CACNA2D3: variants seen among roughly 807,000 people sequenced by gnomAD.
CACNA2D3 encodes calcium voltage-gated channel auxiliary subunit alpha2delta 3, also known as voltage-dependent calcium channel subunit alpha-2/delta-3.
CACNA2D3 carries 60 observed loss-of-function variants against 160.6 expected under a neutral mutation model. That is an observed-to-expected ratio of 0.37 (90% CI 0.30 to 0.46). CACNA2D3 has a LOEUF of 0.46. CACNA2D3 is among the 20% of genes least tolerant of loss of function. The pLI is 1.00. For missense variants in CACNA2D3, 1,205 were observed against 1,365.0 expected (o/e 0.88, Z 1.85); for synonymous variants, 558 against 492.9 (o/e 1.13, Z -1.75).
At chr3:55,002,040 C>T (rs1000190555) in intron 31 of CACNA2D3, among the ~76,000 whole-genome samples, 5 of 151,816 alleles carry the variant, frequency 3.3e-5, no homozygotes, top group South Asian at 2.1e-4. Context: ...CCTGTAGTCC[C>T]AACTACTCGG....
chr3:54,795,185 C>A (rs967306635), intron 13 of CACNA2D3, among the ~76,000 whole-genome samples: 1 of 152,096 alleles, frequency 6.6e-6, no homozygotes, highest in Non-Finnish European at 1.5e-5. Context: ...CCCATACAGT[C>A]ACTTTTAAAA....
intron 14 of CACNA2D3, among the ~76,000 whole-genome samples, chr3:54,821,227 C>A (rs936981193): frequency 2.0e-5 from 3 of 152,200 alleles, no homozygotes; most frequent in African/African-American, 7.2e-5. Flanking sequence ...TTTCACAAAA[C>A]CATAGTTAAA....
At chr3:54,812,922 A>G (rs1418327238) in intron 13 of CACNA2D3, among the ~76,000 whole-genome samples, 2 of 152,234 alleles carry the variant, frequency 1.3e-5, no homozygotes, top group Non-Finnish European at 2.9e-5. Flanking sequence ...AAAACTGATC[A>G]AGCATTTAGC....
At chr3:54,835,270 C>T (rs912393432) in intron 14 of CACNA2D3, among the ~76,000 whole-genome samples, 20 of 152,196 alleles carry the variant, frequency 1.3e-4, no homozygotes, top group African/African-American at 4.1e-4. Context: ...TTCTCTTTAG[C>T]TGTCATGATT....
In CACNA2D3 at chr3:54,736,035, GTATATATATACACATACA is replaced by G. The variant is rs1559563533; in HGVS notation, c.1168-16560_1168-16543del. ...TATATATACACATACATATATATAT[GTATATATATACACATACA>G]TATGTATGTATATATATATACATAT... On this transcript the variant is annotated intron_variant, in intron 11 of 37. Transcript: ENST00000474759. Among the ~76,000 whole-genome samples the G allele has an allele frequency of 2.9e-3, 148 of 50,206 alleles. 15 individuals carry two copies. The highest frequency in any genetic ancestry group is 0.01 in the Admixed American group (40 of 3,830). The allele number at this position is 50,206 out of a possible 152,430, so 32.9% of individuals were successfully genotyped here. A position where few individuals can be genotyped will look rare whatever the true frequency, so the allele number is the denominator to read the frequency against.
intron 2 of CACNA2D3, among the ~76,000 whole-genome samples, chr3:54,247,049 C>T (rs753238935): frequency 6.6e-5 from 10 of 152,168 alleles, no homozygotes; most frequent in Admixed American, 2.6e-4. Context: ...TGGTGGTTCA[C>T]GCCTGTAGTC....
intron 28 of CACNA2D3, 56 bp downstream of exon 28, chr3:54,968,567 C>T: frequency 1.5e-6 from 2 of 1,318,084 alleles, no homozygotes; most frequent in South Asian, 1.3e-5. Context: ...TACAGGTGTT[C>T]CCATTTGGGT....
At chr3:55,014,876 A>C (rs1298785921) in intron 34 of CACNA2D3, among the ~76,000 whole-genome samples, 1 of 152,216 alleles carries the variant, frequency 6.6e-6, no homozygotes, top group African/African-American at 2.4e-5. Flanking sequence ...AGTTCTAGCC[A>C]TGTTATTTAA....
chr3:54,159,271 CA>C (rs1174878473), intron 2 of CACNA2D3, among the ~76,000 whole-genome samples: 1 of 151,944 alleles, frequency 6.6e-6, no homozygotes, highest in Non-Finnish European at 1.5e-5. Context: ...TTAACGTGGT[CA>C]TTTTTTTTTT....
intron 35 of CACNA2D3, among the ~76,000 whole-genome samples, chr3:55,032,266 C>T (rs1419025130): frequency 1.3e-5 from 2 of 152,138 alleles, no homozygotes; most frequent in African/African-American, 4.8e-5. Context: ...ATGTGGATGC[C>T]TCTCTGTCAT....
intron 3 of CACNA2D3, among the ~76,000 whole-genome samples, chr3:54,349,661 T>C (rs1417373666): frequency 2.6e-5 from 4 of 152,220 alleles, no homozygotes; most frequent in Admixed American, 1.3e-4. Context: ...TTAAGCTTCA[T>C]TGTACACAAA....
intron 35 of CACNA2D3, among the ~76,000 whole-genome samples, chr3:55,020,874 TCA>T (rs926652458): frequency 2.0e-5 from 3 of 151,878 alleles, no homozygotes; most frequent in African/African-American, 7.3e-5. Flanking sequence ...TAATAATATA[TCA>T]CACATATTGC....
chr3:54,265,565 G>GAA (rs1553771969), intron 2 of CACNA2D3, among the ~76,000 whole-genome samples: 1 of 139,500 alleles, frequency 7.2e-6, no homozygotes, highest in South Asian at 2.3e-4. Flanking sequence ...TGTATAGTGT[G>GAA]TATATATATA....
At chr3:54,497,243 A>G (rs539764648) in intron 4 of CACNA2D3, among the ~76,000 whole-genome samples, 4 of 151,024 alleles carry the variant, frequency 2.6e-5, no homozygotes, top group East Asian at 3.9e-4. Flanking sequence ...TGAGCAAGCT[A>G]TCTCTCTCCA....
chr3:55,015,443 G>C (rs1429775436), intron 34 of CACNA2D3, among the ~76,000 whole-genome samples: 2 of 152,200 alleles, frequency 1.3e-5, no homozygotes, highest in Admixed American at 1.3e-4. Flanking sequence ...AAGCAGGACA[G>C]CATCTGGAAC....
In CACNA2D3 at chr3:54,531,115, C is replaced by T. The variant is rs1387384161; in HGVS notation, c.544+27461C>T. On this transcript the variant is annotated intron_variant, in intron 5 of 37. Coordinates refer to ENST00000474759, the MANE Select transcript of CACNA2D3 (RefSeq NM_018398.3). ...TTTAAGATGTGATGGTTTGCTCTGT[C>T]TTGTGTGCTGGTCGAGGATGGATTA... Among the ~76,000 whole-genome samples, 4 of 152,250 alleles carry T rather than the reference C, an allele frequency of 2.6e-5. No individual in the cohort carries two copies. The East Asian group carries it at 7.7e-4, about 29-fold the overall frequency.
chr3:54,513,208 G>A (rs1464618003), intron 5 of CACNA2D3, among the ~76,000 whole-genome samples: 1 of 152,150 alleles, frequency 6.6e-6, no homozygotes, highest in Non-Finnish European at 1.5e-5. Flanking sequence ...CAGATGTTTG[G>A]AAGCAATAGC....
chr3:55,040,691 TA>T (rs372505212), intron 35 of CACNA2D3, among the ~76,000 whole-genome samples: 1 of 152,088 alleles, frequency 6.6e-6, no homozygotes, highest in African/African-American at 2.4e-5. Flanking sequence ...TCTCTAATAA[TA>T]AAAAAGCCAT....
At chr3:54,556,844 C>T (rs917251509) in intron 5 of CACNA2D3, among the ~76,000 whole-genome samples, 5 of 152,340 alleles carry the variant, frequency 3.3e-5, no homozygotes, top group African/African-American at 1.2e-4. Context: ...CCCAGCATGA[C>T]GTTTGCCTGC....
Sources: allele counts gnomAD v4.1 joint callset (sites outside exome capture counted in the v4.1 genomes callset), GRCh38; gene constraint gnomAD v4.1.1; transcripts MANE v1.5; gene names NCBI Gene and HGNC (gene_info 2026-07-23, HGNC 2026-07-21).